The following RAP1GAP2 variants were observed in gnomAD, a reference collection of about 807,000 sequenced individuals.
RAP1GAP2 encodes RAP1 GTPase activating protein 2, also known as rap1 GTPase-activating protein 2.
A neutral mutation model predicts 95.0 loss-of-function variants in RAP1GAP2; 27 were observed. The observed-to-expected ratio is 0.28, with a 90% CI of 0.21 to 0.39. RAP1GAP2 has a LOEUF of 0.39. Ranked by LOEUF, RAP1GAP2 falls within the 10% of genes least tolerant of loss-of-function variation. The pLI, the probability that RAP1GAP2 is intolerant of heterozygous loss-of-function variation, is 1.00. For missense variants in RAP1GAP2, 771 were observed against 970.0 expected, an observed-to-expected ratio of 0.79 and a Z score of 2.72; for synonymous variants, 373 against 380.9, an observed-to-expected ratio of 0.98 and a Z score of 0.24.
intron 2 of RAP1GAP2, among the ~76,000 whole-genome samples, chr17:2,858,631 G>C (rs2072245006): frequency 6.6e-6 from 1 of 152,106 alleles, no homozygotes; most frequent in Non-Finnish European, 1.5e-5. Context: ...TTCTTGGCCA[G>C]GCACGGTGGC....
rs749956509 is a variant in RAP1GAP2 at position 2,998,341 on chromosome 17, G to A, written c.1165G>A (p.Val389Ile). The A allele has an allele frequency of 6.2e-7, 1 of 1,614,012 alleles. No individual in the cohort carries two copies. The highest frequency in any genetic ancestry group is 2.2e-5 in the East Asian group (1 of 44,886). The stretch of plus-strand genomic sequence containing the variant: ...CTTACATGCCTACATCGTCGTGCAG[G>A]TCGAGACCCCAGGCACAGAGACCCC... Reference protein sequence around the residue: ...NFLHAYIVVQVETPGTETPSY... With the variant: ...NFLHAYIVVQIETPGTETPSY... The change falls in exon 14 of 25, where the codon GTC becomes ATC. Residue 389 changes from valine to isoleucine, a missense_variant. Val to Ile is a conservative substitution (Grantham distance 29, BLOSUM62 3). Transcript: ENST00000254695.
At chr17:2,817,821 T>G (rs2070092875) in intron 2 of RAP1GAP2, among the ~76,000 whole-genome samples, 1 of 120,092 alleles carries the variant, frequency 8.3e-6, no homozygotes, top group Admixed American at 8.0e-5. Context: ...GCGTCTGGCC[T>G]CTATGTTTAA....
chr17:3,021,879 T>C (rs1170013491), intron 19 of RAP1GAP2, among the ~76,000 whole-genome samples: 1 of 152,268 alleles, frequency 6.6e-6, no homozygotes, highest in Non-Finnish European at 1.5e-5. Context: ...CCTTATCCGC[T>C]TATCTGTTGA....
intron 3 of RAP1GAP2, among the ~76,000 whole-genome samples, chr17:2,922,826 G>GTTTTTTTTTTTTTTT: frequency 1.1e-5 from 1 of 93,728 alleles, no homozygotes; most frequent in Non-Finnish European, 1.9e-5. Flanking sequence ...TTTTCTTTTT[G>GTTTTTTTTTTTTTTT]TTTTTGTTTT....
chr17:2,922,943 A>T (rs1043125294), intron 3 of RAP1GAP2, among the ~76,000 whole-genome samples: 2 of 149,044 alleles, frequency 1.3e-5, no homozygotes, highest in South Asian at 4.2e-4. Flanking sequence ...TCATGGCACG[A>T]CCTTGGCTCA....
At position 3,030,957 on chromosome 17, in the gene RAP1GAP2, A is replaced by C. The variant is rs775089025; in HGVS notation, c.2143A>C (p.Lys715Gln). 7 of 1,611,380 alleles carry C rather than the reference A, an allele frequency of 4.3e-6. No individual in the cohort carries two copies. The African/African-American group carries it at 8.0e-5, about 18-fold the overall frequency. ...CAGAAACTCCCCGAGATCGAACCTG[A>C]AATTCCGCTTTGACAAGCTCAGCCA... ...KSRNSPRSNLKFRFDKLSHAS... is the reference protein window; with the variant it reads ...KSRNSPRSNLQFRFDKLSHAS... The change falls in exon 23 of 25, where the codon AAA becomes CAA. Residue 715 changes from lysine (K) to glutamine (Q), a missense_variant. Lys to Gln is a moderately conservative substitution (Grantham distance 53). Transcript: ENST00000254695.
intron 2 of RAP1GAP2, among the ~76,000 whole-genome samples, chr17:2,878,926 C>A (rs764039924): frequency 6.6e-6 from 1 of 152,158 alleles, no homozygotes; most frequent in South Asian, 2.1e-4. Context: ...GCCCTCTTCC[C>A]GTGACGGTTG....
intron 2 of RAP1GAP2, among the ~76,000 whole-genome samples, chr17:2,844,548 C>T (rs1051038997): frequency 1.3e-5 from 2 of 152,164 alleles, no homozygotes; most frequent in African/African-American, 2.4e-5. Context: ...CCTGCAGTTG[C>T]TCAGCAGGAG....
intron 1 of RAP1GAP2, among the ~76,000 whole-genome samples, chr17:2,763,355 G>A (rs371063427): frequency 1.3e-3 from 203 of 152,194 alleles, no homozygotes; most frequent in African/African-American, 4.6e-3. Flanking sequence ...GAGACAGACA[G>A]GCACATAAAT....
chr17:2,889,863 G>GTATATATATATATATATATATATATA (rs748546441), intron 2 of RAP1GAP2, among the ~76,000 whole-genome samples: 1 of 79,862 alleles, frequency 1.3e-5, no homozygotes, highest in African/African-American at 5.1e-5. Context: ...TTATGTGTGT[G>GTATATATATATATATATATATATATA]TATATATATA....
Position 2,896,019 on chromosome 17 carries a change from C to T in RAP1GAP2, c.81-9265C>T, listed in dbSNP as rs141127071. ...GTGCCCTCCCCTTCCCCGCTTCTCC[C>T]GTAGGTCACTGCTGGCCTCTTCTCT... is the stretch of plus-strand genomic sequence containing the variant. On this transcript the variant is annotated intron_variant, in intron 2 of 24. Transcript: ENST00000254695. Among the ~76,000 whole-genome samples the T allele has an allele frequency of 1.9e-3, 294 of 152,256 alleles. 1 individual carries two copies. The highest frequency in any genetic ancestry group is 0.01 in the Middle Eastern group (3 of 294).
chr17:3,007,349 A>C (rs948843726), intron 16 of RAP1GAP2, among the ~76,000 whole-genome samples: 1 of 152,190 alleles, frequency 6.6e-6, no homozygotes, highest in African/African-American at 2.4e-5. Context: ...GACAGGTTGC[A>C]GGGCAAGAGG....
chr17:2,928,566 G>A (rs933878175), intron 3 of RAP1GAP2, among the ~76,000 whole-genome samples: 5 of 152,196 alleles, frequency 3.3e-5, no homozygotes, highest in South Asian at 2.1e-4. Context: ...GGCATGGAAA[G>A]TCCTTCTCGT....
intron 2 of RAP1GAP2, among the ~76,000 whole-genome samples, chr17:2,884,157 G>A (rs2073401181): frequency 6.6e-6 from 1 of 152,176 alleles, no homozygotes; most frequent in Admixed American, 6.5e-5. Flanking sequence ...CAAGTGAGAA[G>A]CATCCTCTTA....
At chr17:2,762,696 C>G (rs941795961) in intron 1 of RAP1GAP2, among the ~76,000 whole-genome samples, 1 of 151,708 alleles carries the variant, frequency 6.6e-6, no homozygotes, top group Non-Finnish European at 1.5e-5. Context: ...GCCACTGCAC[C>G]CAGCCTGGGT....
At chr17:2,851,561 C>A (rs1247471560) in intron 2 of RAP1GAP2, among the ~76,000 whole-genome samples, 1 of 152,076 alleles carries the variant, frequency 6.6e-6, no homozygotes, top group Non-Finnish European at 1.5e-5. Flanking sequence ...CAGGAAAATT[C>A]TACCTCTTAG....
Position 2,903,731 on chromosome 17 carries a change from A to T in RAP1GAP2, c.81-1553A>T, listed in dbSNP as rs1484870114. ...AAGCCAGGTAGTCCCCAGGCCCCTGATGTGGCTCCCTAGTTGGCCACAGGG... is the reference window on the plus strand; with the variant it reads ...AAGCCAGGTAGTCCCCAGGCCCCTGTTGTGGCTCCCTAGTTGGCCACAGGG... On this transcript the variant is annotated intron_variant, in intron 2 of 24. Coordinates refer to ENST00000254695, the MANE Select transcript of RAP1GAP2 (RefSeq NM_015085.5). This position sits in a 1 kb window ranked among gnomAD's most constrained non-coding sequence, Gnocchi z 4.1. Among the ~76,000 whole-genome samples, 1 of 147,786 alleles carries T rather than the reference A, an allele frequency of 6.8e-6. No homozygotes were observed. The highest frequency in any genetic ancestry group is 1.5e-5 in the Non-Finnish European group (1 of 66,770).
chr17:2,826,484 C>T (rs545190059), intron 2 of RAP1GAP2, among the ~76,000 whole-genome samples: 13 of 152,020 alleles, frequency 8.6e-5, no homozygotes, highest in East Asian at 7.8e-4. Flanking sequence ...GGCGAGATGA[C>T]GGGTGCCCTG....
intron 3 of RAP1GAP2, among the ~76,000 whole-genome samples, chr17:2,915,902 G>T (rs1339579047): frequency 6.6e-6 from 1 of 151,990 alleles, no homozygotes; most frequent in South Asian, 2.1e-4. Flanking sequence ...GTTTCACCAC[G>T]TTGGCCAGGA....
Sources: gnomAD v4.1 joint callset for allele counts (sites outside exome capture counted in the v4.1 genomes callset) on GRCh38, gnomAD v4.1.1 for gene constraint, Gnocchi (gnomAD v3.1) non-coding constraint, MANE v1.5 for transcripts, NCBI Gene and HGNC (gene_info 2026-07-23, HGNC 2026-07-21) for gene names.